KDM4C: variants seen among roughly 807,000 people sequenced by gnomAD.
The protein encoded by KDM4C is lysine-specific demethylase 4C.
In KDM4C, 81 loss-of-function variants were observed where a neutral mutation model predicts 129.3. The observed-to-expected ratio is 0.63, with a 90% CI of 0.52 to 0.75. The LOEUF is 0.75. Ranked by LOEUF, KDM4C falls within the 30% of genes least tolerant of loss-of-function variation. The pLI is 0.00. For missense variants in KDM4C, 1,457 were observed against 1,304.0 expected (o/e 1.12, Z -1.81); for synonymous variants, 573 against 456.1 (o/e 1.26, Z -3.26).
At chr9:6,873,653 AATGTTGCTGGTTTGATCTT>A (rs1843111801) in intron 5 of KDM4C, among the ~76,000 whole-genome samples, 1 of 152,200 alleles carries the variant, frequency 6.6e-6, no homozygotes, top group Non-Finnish European at 1.5e-5. Context: ...GGTTTAAGGA[AATGTTGCTGGTTTGATCTT>A]ATGTCCAGAC....
chr9:6,956,276 A>G (rs1177789996), intron 8 of KDM4C, among the ~76,000 whole-genome samples: 1 of 152,230 alleles, frequency 6.6e-6, no homozygotes, highest in Non-Finnish European at 1.5e-5. Context: ...AACTCAAAGG[A>G]TAAATGCTTG....
At chr9:7,098,841 A>T (rs1457544049) in intron 17 of KDM4C, among the ~76,000 whole-genome samples, 6 of 152,254 alleles carry the variant, frequency 3.9e-5, no homozygotes, top group African/African-American at 1.4e-4. Flanking sequence ...CAGTATTGAC[A>T]CATGAGTGAT....
At chr9:6,843,183 C>T (rs1328386083) in intron 4 of KDM4C, among the ~76,000 whole-genome samples, 3 of 152,112 alleles carry the variant, frequency 2.0e-5, no homozygotes, top group Admixed American at 6.6e-5. Flanking sequence ...CCCATCTCTG[C>T]CTCCCAAAGT....
At position 7,009,931 on chromosome 9, in the gene KDM4C, A is replaced by T. The variant is rs533453008; in HGVS notation, c.1787-1767A>T. Among the ~76,000 whole-genome samples, 19 of 152,356 alleles carry T rather than the reference A, an allele frequency of 1.2e-4. 1 individual carries two copies. Among genetic ancestry groups the T allele is most frequent in the Middle Eastern group, 3.4e-3 (1 of 294 alleles). ...TGAATCATGTAGCCTAGAAATATTTAAAAAATTAAGAAAAAGATATGTCAT... is the reference window on the plus strand; with the variant it reads ...TGAATCATGTAGCCTAGAAATATTTTAAAAATTAAGAAAAAGATATGTCAT... On this transcript the variant is annotated intron_variant, in intron 12 of 21. Coordinates refer to ENST00000381309, the MANE Select transcript of KDM4C (RefSeq NM_015061.6).
At position 6,972,387 on chromosome 9, in the gene KDM4C, C is replaced by A. The variant is rs535262941; in HGVS notation, c.922-8538C>A. Among the ~76,000 whole-genome samples, 39 of 152,116 alleles carry A rather than the reference C, an allele frequency of 2.6e-4. No homozygotes were observed. The South Asian group carries it at 8.1e-3, about 32-fold the overall frequency. On this transcript the variant is annotated intron_variant, in intron 8 of 21. Transcript: ENST00000381309. ...ATGATTATATTTTCTCCCATAAAAT[C>A]AGTTTACATGGTTATACCATAATTT...
At chr9:6,815,260 T>C (rs1249772380) in intron 4 of KDM4C, 4 of 152,120 alleles carry the variant, frequency 2.6e-5, no homozygotes, top group Non-Finnish European at 5.9e-5. Flanking sequence ...AATTCATTGG[T>C]TATATTCTAA....
chr9:6,776,598 C>CT (rs34450311), intron 1 of KDM4C, among the ~76,000 whole-genome samples: 24,656 of 106,034 alleles, frequency 0.23, 3,635 homozygotes, highest in Non-Finnish European at 0.31. Flanking sequence ...CTCAAACCCA[C>CT]TTTTTTTTTT....
intron 8 of KDM4C, among the ~76,000 whole-genome samples, chr9:6,965,290 GATAT>G (rs56757314): frequency 6.7e-6 from 1 of 148,232 alleles, no homozygotes; most frequent in African/African-American, 2.5e-5. Context: ...TCTAATACAT[GATAT>G]ATATATATAT....
intron 5 of KDM4C, among the ~76,000 whole-genome samples, chr9:6,878,178 G>T (rs1843859736): frequency 6.7e-6 from 1 of 149,306 alleles, no homozygotes; most frequent in Non-Finnish European, 1.5e-5. Flanking sequence ...AGTTCTACTT[G>T]GGAAATATTA....
Position 6,741,676 on chromosome 9 carries a change from C to CTT in KDM4C, c.49+20696_49+20697dup, listed in dbSNP as rs71315557. On this transcript the variant is annotated intron_variant, in intron 1 of 17. Coordinates refer to the KDM4C transcript ENST00000536108. ...TTCATTGAATTTTGAGGTGGCAGCT[C>CTT]TTTTTTTTTTTTTTTTTTGTCTTTT... Among the ~76,000 whole-genome samples the CTT allele has an allele frequency of 2.0e-3, 192 of 94,060 alleles. 2 individuals are homozygous for CTT. The highest frequency in any genetic ancestry group is 6.1e-3 in the African/African-American group (144 of 23,610). 61.7% of individuals were successfully genotyped at this position (94,060 alleles called of 152,430 possible). A position where few individuals can be genotyped will look rare whatever the true frequency, so the allele number is the denominator to read the frequency against.
At chr9:6,925,070 A>G (rs1822230591) in intron 8 of KDM4C, 2 of 985,312 alleles carry the variant, frequency 2.0e-6, no homozygotes, top group Non-Finnish European at 2.4e-6. Context: ...CGAAACATGC[A>G]TCCTTTTTAA....
chr9:6,890,729 C>G (rs1280110127), intron 7 of KDM4C, among the ~76,000 whole-genome samples: 2 of 151,860 alleles, frequency 1.3e-5, no homozygotes, highest in East Asian at 3.9e-4. Context: ...TTTTCTTGTT[C>G]CAGTGGCAGC....
At chr9:7,142,643 G>A (rs1006257382) in intron 19 of KDM4C, among the ~76,000 whole-genome samples, 1 of 152,158 alleles carries the variant, frequency 6.6e-6, no homozygotes, top group East Asian at 1.9e-4. Flanking sequence ...AAATGTGTGT[G>A]GTTAGTGGTA....
intron 1 of KDM4C, among the ~76,000 whole-genome samples, chr9:6,771,913 A>G (rs72699637): frequency 0.097 from 14,740 of 152,160 alleles, 834 homozygotes; most frequent in Non-Finnish European, 0.11. Context: ...GGGAGACTCA[A>G]GTAGCTCTTG....
chr9:6,942,544 G>C (rs1826152840), intron 8 of KDM4C: 1 of 151,862 alleles, frequency 6.6e-6, no homozygotes, highest in Admixed American at 6.6e-5. Context: ...TGTCACTGCT[G>C]CCACTGCTCT....
At chr9:7,046,763 T>C (rs575363108) in intron 15 of KDM4C, 99 bp from the exon 16 acceptor site, 1 of 876,948 alleles carries the variant, frequency 1.1e-6, no homozygotes, top group Admixed American at 1.9e-5. Context: ...GTTTTAATTT[T>C]AGAATGAAAA....
upstream of KDM4C, among the ~76,000 whole-genome samples, chr9:6,755,837 G>C (rs1818235657): frequency 6.6e-6 from 1 of 152,146 alleles, no homozygotes; most frequent in Admixed American, 6.6e-5. Context: ...TTTTCTAGTA[G>C]GCTCTCTTCA....
intron 8 of KDM4C, among the ~76,000 whole-genome samples, chr9:6,944,134 C>G (rs181934337): frequency 1.5e-4 from 23 of 152,172 alleles, no homozygotes; most frequent in African/African-American, 4.8e-4. Flanking sequence ...TTAGGAAATC[C>G]TCTTAAATGA....
chr9:6,901,418 G>C (rs182953543), intron 8 of KDM4C, among the ~76,000 whole-genome samples: 1 of 152,274 alleles, frequency 6.6e-6, no homozygotes, highest in African/African-American at 2.4e-5. Flanking sequence ...TGGTGTAGCA[G>C]CTCAGCAACC....
Sources: gnomAD v4.1 joint callset for allele counts (sites outside exome capture counted in the v4.1 genomes callset) on GRCh38, gnomAD v4.1.1 for gene constraint, MANE v1.5 for transcripts, NCBI Gene and HGNC (gene_info 2026-07-23, HGNC 2026-07-21) for gene names.